ACVR1: variants seen among roughly 807,000 people sequenced by gnomAD.
ACVR1 encodes the protein activin A receptor type 1.
A neutral mutation model predicts 57.1 loss-of-function variants in ACVR1; 38 were observed. The ratio of observed to expected loss-of-function variants is 0.67; its 90% CI spans 0.51 to 0.87. The LOEUF is 0.87. Ranked by LOEUF, ACVR1 falls within the 40% of genes least tolerant of loss-of-function variation. ACVR1 has a pLI of 0.00. For missense variants in ACVR1, 463 were observed against 638.2 expected (o/e 0.73, Z 2.96); for synonymous variants, 212 against 228.1 (o/e 0.93, Z 0.63).
chr2:157,824,358 C>T (rs992064936), intron 1 of ACVR1, among the ~76,000 whole-genome samples: 1 of 152,118 alleles, frequency 6.6e-6, no homozygotes, highest in Non-Finnish European at 1.5e-5. Context: ...GTCCCAGCTA[C>T]TCAGGAGGCT....
chr2:157,831,581 A>G (rs1688581274), intron 1 of ACVR1, among the ~76,000 whole-genome samples: 1 of 152,232 alleles, frequency 6.6e-6, no homozygotes, highest in African/African-American at 2.4e-5. Flanking sequence ...GAGTAAAGTG[A>G]GATTTTTTAG....
Position 157,737,508 on chromosome 2 carries a change from TC to T in ACVR1, c.*22del. Reference sequence around the variant, plus strand: ...GGACAATGACAACAACGTCAAATCTTCCTTCTTGACACTATGAAAATGTCAA... The same window carrying T: ...GGACAATGACAACAACGTCAAATCTTCTTCTTGACACTATGAAAATGTCAA... On this transcript the variant is annotated 3_prime_UTR_variant, in exon 11 of 11. Transcript: ENST00000434821. The T allele has an allele frequency of 6.2e-7, 1 of 1,613,670 alleles. No individual in the cohort carries two copies. Among genetic ancestry groups the T allele is most frequent in the Non-Finnish European group, 8.5e-7 (1 of 1,179,768 alleles).
At chr2:157,753,348 T>C (rs1685286141) in intron 9 of ACVR1, among the ~76,000 whole-genome samples, 1 of 152,118 alleles carries the variant, frequency 6.6e-6, no homozygotes, top group African/African-American at 2.4e-5. Context: ...GCCAAAATGG[T>C]GAAACCCTGT....
chr2:157,840,569 T>C (rs1003463275), intron 1 of ACVR1, among the ~76,000 whole-genome samples: 5 of 152,240 alleles, frequency 3.3e-5, no homozygotes, highest in African/African-American at 9.6e-5. Flanking sequence ...ATCTAGATAT[T>C]TGACCTGAAC....
At chr2:157,866,920 C>A (rs1359111564) in intron 1 of ACVR1, among the ~76,000 whole-genome samples, 1 of 152,184 alleles carries the variant, frequency 6.6e-6, no homozygotes, top group African/African-American at 2.4e-5. Context: ...AAGCTCTCCC[C>A]CAGGACATTC....
chr2:157,820,094 C>T (rs1298735456), intron 1 of ACVR1, among the ~76,000 whole-genome samples: 1 of 152,176 alleles, frequency 6.6e-6, no homozygotes, highest in African/African-American at 2.4e-5. Flanking sequence ...TCAAACCGTT[C>T]CTCACTTCAG....
intron 1 of ACVR1, among the ~76,000 whole-genome samples, chr2:157,833,633 T>G (rs1688663792): frequency 6.6e-6 from 1 of 151,918 alleles, no homozygotes; most frequent in African/African-American, 2.4e-5. Flanking sequence ...ACAAGAAAAA[T>G]TCAACGAGTT....
chr2:157,780,568 T>C lies in ACVR1; in HGVS notation c.100A>G (p.Met34Val), dbSNP rs370437421. ...EKPKVNPKLY[M>V]CVCEGLSCGN... The stretch of plus-strand genomic sequence containing the variant: ...CAGGAGAGACCTTCACACACACACA[T>C]GTAGAGTTTGGGGTTGACCTTGGGC... Residue 34 changes from methionine (M) to valine (V), a missense_variant, in exon 4 of 11, where the codon ATG (methionine) becomes GTG (valine). Coordinates refer to ENST00000434821, the MANE Select transcript of ACVR1 (RefSeq NM_001111067.4). 9 of 1,611,860 alleles carry C rather than the reference T, an allele frequency of 5.6e-6. No homozygotes were observed. The highest frequency in any genetic ancestry group is 7.6e-6 in the Non-Finnish European group (9 of 1,179,648).
chr2:157,846,572 C>G (rs1023458455), intron 1 of ACVR1, among the ~76,000 whole-genome samples: 4 of 152,152 alleles, frequency 2.6e-5, no homozygotes, highest in African/African-American at 9.7e-5. Flanking sequence ...ACATTATAAC[C>G]TACATATGCC....
intron 1 of ACVR1, among the ~76,000 whole-genome samples, chr2:157,869,127 G>C (rs574114844): frequency 1.3e-5 from 2 of 152,206 alleles, no homozygotes; most frequent in Non-Finnish European, 2.9e-5. Context: ...AGGGAGTTAA[G>C]TGGCTCCTGC....
intron 1 of ACVR1, among the ~76,000 whole-genome samples, chr2:157,824,302 T>C (rs1688259157): frequency 6.6e-6 from 1 of 151,958 alleles, no homozygotes; most frequent in East Asian, 1.9e-4. Flanking sequence ...ACCCCATCTC[T>C]ACAAAAAATT....
intron 7 of ACVR1, among the ~76,000 whole-genome samples, chr2:157,769,070 T>C (rs767302068): frequency 1.3e-5 from 2 of 152,198 alleles, no homozygotes; most frequent in African/African-American, 2.4e-5. Context: ...CCAAGAGGTT[T>C]TGACGGAGGA....
rs537746000 is a variant in ACVR1, at chr2:157,847,284, A to G, written c.-183+28512T>C. Among the ~76,000 whole-genome samples, 3 of 152,350 alleles carry G rather than the reference A, an allele frequency of 2.0e-5. No individual in the cohort carries two copies. In the South Asian group the frequency reaches 6.2e-4, roughly 32 times the overall value. On this transcript the variant is annotated intron_variant, in intron 1 of 10. Transcript: ENST00000434821. Reference sequence around the variant, plus strand: ...TTTCTAGTCTTGGGTGTGACTCCCTAAACTGATCCAGTAATGGACTGAGAT... The same window carrying G: ...TTTCTAGTCTTGGGTGTGACTCCCTGAACTGATCCAGTAATGGACTGAGAT...
chr2:157,762,888 CCAG>C (rs1343499684), intron 8 of ACVR1, among the ~76,000 whole-genome samples: 23 of 152,288 alleles, frequency 1.5e-4, no homozygotes, highest in African/African-American at 5.5e-4. Context: ...GTTGGAAACT[CCAG>C]CTCTGGTTGA....
chr2:157,842,104 A>G (rs1689001464), intron 1 of ACVR1, among the ~76,000 whole-genome samples: 1 of 152,034 alleles, frequency 6.6e-6, no homozygotes. Flanking sequence ...AGGGGGAGTC[A>G]TTCTAGGGAA....
At chr2:157,796,673 A>C (rs1687136568) in intron 3 of ACVR1, among the ~76,000 whole-genome samples, 1 of 152,074 alleles carries the variant, frequency 6.6e-6, no homozygotes, top group East Asian at 1.9e-4. Flanking sequence ...TTTAAATAAT[A>C]ATCATTATTT....
rs1405459228 is a variant in ACVR1, at chr2:157,765,351, T to C, written c.1066+570A>G. On this transcript the variant is annotated intron_variant, in intron 8 of 10. Transcript: ENST00000434821. ...TTTAAGATAAACTAATTCTATAGAGTATTTATTGTGCACCTACTTTATGTG... is the reference window on the plus strand; with the variant it reads ...TTTAAGATAAACTAATTCTATAGAGCATTTATTGTGCACCTACTTTATGTG... Among the ~76,000 whole-genome samples the C allele has an allele frequency of 3.3e-5, 5 of 152,280 alleles. No individual in the cohort carries two copies. The East Asian group carries it at 7.7e-4, about 23-fold the overall frequency.
At chr2:157,791,006 T>C (rs1686889923) in intron 3 of ACVR1, among the ~76,000 whole-genome samples, 1 of 152,206 alleles carries the variant, frequency 6.6e-6, no homozygotes, top group Non-Finnish European at 1.5e-5. Flanking sequence ...GACTTCACCC[T>C]TCCCCTGCCT....
At chr2:157,774,523 C>T (rs182849164) in intron 5 of ACVR1, among the ~76,000 whole-genome samples, 2 of 152,152 alleles carry the variant, frequency 1.3e-5, no homozygotes, top group African/African-American at 4.8e-5. Flanking sequence ...CGCCACCACG[C>T]CCGGCTAATT....
Sources: gnomAD v4.1 joint callset for allele counts (sites outside exome capture counted in the v4.1 genomes callset) on GRCh38, gnomAD v4.1.1 for gene constraint, MANE v1.5 for transcripts, NCBI Gene and HGNC (gene_info 2026-07-23, HGNC 2026-07-21) for gene names.